Variants in DOCK4 observed in about 807,000 individuals in gnomAD.
DOCK4 encodes the protein dedicator of cytokinesis 4, also known as dedicator of cytokinesis protein 4.
A neutral mutation model predicts 268.1 loss-of-function variants in DOCK4; 97 were observed. The ratio of observed to expected loss-of-function variants is 0.36; its 90% CI spans 0.31 to 0.43. The LOEUF (loss-of-function observed/expected upper bound fraction) is 0.43. DOCK4 is among the 20% of genes least tolerant of loss of function. DOCK4 has a pLI of 1.00. For missense variants in DOCK4, 2,145 were observed against 2,455.7 expected (o/e 0.87, Z 2.67); for synonymous variants, 954 against 887.2 (o/e 1.08, Z -1.34).
At chr7:111,738,365 G>C (rs1373933928) in intron 49 of DOCK4, among the ~76,000 whole-genome samples, 1 of 152,150 alleles carries the variant, frequency 6.6e-6, no homozygotes, top group Non-Finnish European at 1.5e-5. Flanking sequence ...TATACTCATG[G>C]GTACCCAGAT....
intron 26 of DOCK4, among the ~76,000 whole-genome samples, chr7:111,822,702 CA>C (rs1802089061): frequency 6.6e-6 from 1 of 152,174 alleles, no homozygotes; most frequent in African/African-American, 2.4e-5. Flanking sequence ...TTTCTCTCCA[CA>C]GGTTCTAACA....
At chr7:111,955,530 A>G (rs1562933686) in intron 8 of DOCK4, among the ~76,000 whole-genome samples, 2 of 152,232 alleles carry the variant, frequency 1.3e-5, no homozygotes, top group Non-Finnish European at 2.9e-5. Context: ...CCAATTTTGA[A>G]TAACAAGCCA....
At chr7:112,012,327 T>C (rs1247522264) in intron 1 of DOCK4, among the ~76,000 whole-genome samples, 1 of 151,920 alleles carries the variant, frequency 6.6e-6, no homozygotes, top group Non-Finnish European at 1.5e-5. Flanking sequence ...ATAATACTGC[T>C]TTTTCTGATA....
intron 1 of DOCK4, among the ~76,000 whole-genome samples, chr7:112,077,902 G>A (rs933964594): frequency 2.0e-5 from 3 of 152,010 alleles, no homozygotes; most frequent in Non-Finnish European, 4.4e-5. Flanking sequence ...AGGTAGCTAA[G>A]ACACATCAAA....
chr7:112,078,848 G>A (rs1368633604), intron 1 of DOCK4, among the ~76,000 whole-genome samples: 1 of 152,104 alleles, frequency 6.6e-6, no homozygotes, highest in Non-Finnish European at 1.5e-5. Context: ...AAATACGGCC[G>A]GGTGCGGTGG....
chr7:111,837,394 G>C (rs1803317511), intron 25 of DOCK4, among the ~76,000 whole-genome samples: 1 of 152,114 alleles, frequency 6.6e-6, no homozygotes, highest in African/African-American at 2.4e-5. Flanking sequence ...TTGTACTGAA[G>C]GTTTTAGTCA....
intron 47 of DOCK4, chr7:111,739,822 T>C (rs1003974352): frequency 5.8e-6 from 2 of 347,700 alleles, no homozygotes; most frequent in Admixed American, 4.3e-5. Flanking sequence ...AAATATGCCT[T>C]CTTGTTATCT....
intron 1 of DOCK4, among the ~76,000 whole-genome samples, chr7:112,140,491 A>G (rs1814797845): frequency 6.6e-6 from 1 of 152,036 alleles, no homozygotes; most frequent in African/African-American, 2.4e-5. Context: ...TGGCCAGTCT[A>G]CTGTTTTTCA....
intron 1 of DOCK4, among the ~76,000 whole-genome samples, chr7:112,151,082 G>A (rs1816017198): frequency 6.6e-6 from 1 of 152,154 alleles, no homozygotes; most frequent in African/African-American, 2.4e-5. Context: ...ACTTAATTCT[G>A]TATACTTTTA....
At chr7:112,090,078 T>C (rs903141812) in intron 1 of DOCK4, among the ~76,000 whole-genome samples, 5 of 152,204 alleles carry the variant, frequency 3.3e-5, no homozygotes, top group Non-Finnish European at 7.3e-5. Flanking sequence ...TAAGTTAGTC[T>C]TTCAAGGATA....
At chr7:112,037,704 C>A (rs1446285733) in intron 1 of DOCK4, among the ~76,000 whole-genome samples, 1 of 152,112 alleles carries the variant, frequency 6.6e-6, no homozygotes, top group East Asian at 1.9e-4. Flanking sequence ...TGATTAGGAA[C>A]AAATCTGAAC....
intron 12 of DOCK4, among the ~76,000 whole-genome samples, chr7:111,917,330 T>C (rs1233101624): frequency 6.6e-6 from 1 of 152,046 alleles, no homozygotes; most frequent in Non-Finnish European, 1.5e-5. Context: ...CCCATCTATA[T>C]TTACTATATT....
At chr7:112,001,003 T>C (rs1249433307) in intron 2 of DOCK4, among the ~76,000 whole-genome samples, 1 of 152,188 alleles carries the variant, frequency 6.6e-6, no homozygotes, top group Non-Finnish European at 1.5e-5. Flanking sequence ...TGCCACCAAA[T>C]AATAGTACCT....
intron 26 of DOCK4, among the ~76,000 whole-genome samples, chr7:111,829,495 C>T (rs1043148680): frequency 6.6e-6 from 1 of 152,000 alleles, no homozygotes; most frequent in Non-Finnish European, 1.5e-5. Context: ...GGAGGTGTTC[C>T]GTAACTGTTA....
chr7:111,888,975 A>G (rs1808069767), intron 16 of DOCK4, among the ~76,000 whole-genome samples: 1 of 152,162 alleles, frequency 6.6e-6, no homozygotes, highest in Non-Finnish European at 1.5e-5. Context: ...AAGCCCTCTC[A>G]GCAGAAGCAA....
chr7:111,882,942 C>A (rs1807529888), intron 16 of DOCK4, among the ~76,000 whole-genome samples: 1 of 152,104 alleles, frequency 6.6e-6, no homozygotes, highest in Admixed American at 6.6e-5. Flanking sequence ...GGAAAGACCT[C>A]TCTAACAAGT....
intron 23 of DOCK4, among the ~76,000 whole-genome samples, chr7:111,861,571 A>AC (rs1355388150): frequency 5.9e-5 from 9 of 151,794 alleles, no homozygotes; most frequent in African/African-American, 1.9e-4. Flanking sequence ...ACATGGTGAA[A>AC]CCCCATCTCT....
At chr7:111,912,494 C>A (rs1293202096) in intron 13 of DOCK4, among the ~76,000 whole-genome samples, 1 of 151,928 alleles carries the variant, frequency 6.6e-6, no homozygotes, top group African/African-American at 2.4e-5. Context: ...AAACTCATTT[C>A]TTGATTTGTA....
intron 1 of DOCK4, among the ~76,000 whole-genome samples, chr7:112,073,774 G>A (rs890411887): frequency 6.6e-6 from 1 of 152,092 alleles, no homozygotes; most frequent in Non-Finnish European, 1.5e-5. Context: ...GGGGAGGAGG[G>A]TACTGGGAGA....
Sources: gnomAD v4.1 joint callset for allele counts (sites outside exome capture counted in the v4.1 genomes callset) on GRCh38, gnomAD v4.1.1 for gene constraint, MANE v1.5 for transcripts, NCBI Gene and HGNC (gene_info 2026-07-23, HGNC 2026-07-21) for gene names.